Variants in BLMH observed in about 807,000 individuals in gnomAD.
The protein encoded by BLMH is BLM hydrolase.
In BLMH, 32 loss-of-function variants were observed where a neutral mutation model predicts 61.6. That is an observed-to-expected ratio of 0.52 (90% CI 0.39 to 0.70). The LOEUF (loss-of-function observed/expected upper bound fraction) is 0.70, where lower values mean the gene tolerates loss of function less well. BLMH is among the 30% of genes least tolerant of loss of function. The pLI, the probability that BLMH is intolerant of heterozygous loss-of-function variation, is 0.00. For synonymous variants in BLMH, 183 were observed against 193.8 expected, an observed-to-expected ratio of 0.94 and a Z score of 0.46; for missense variants, 460 against 555.5, an observed-to-expected ratio of 0.83 and a Z score of 1.73.
At chr17:30,278,860 A>G (rs1382956017) in intron 6 of BLMH, among the ~76,000 whole-genome samples, 8 of 152,182 alleles carry the variant, frequency 5.3e-5, no homozygotes, top group Admixed American at 5.2e-4. Context: ...CGGTAGAGAC[A>G]GGGTTTTGCC....
At chr17:30,282,308 C>T (rs1908614607) in intron 6 of BLMH, among the ~76,000 whole-genome samples, 1 of 150,614 alleles carries the variant, frequency 6.6e-6, no homozygotes, top group Non-Finnish European at 1.5e-5. Flanking sequence ...CCACCACCTG[C>T]AGGGTTCCGG....
rs1447842727 is a variant in BLMH, at chr17:30,291,507, T to C, written c.15A>G (p.Gly5=). MSSS[G]LNSEKVAALI... ...GAGCAGCTACCTTCTCCGAATTCAGTCCTGTTGGGAGACCAAACAGGATTT... is the reference window on the plus strand; with the variant it reads ...GAGCAGCTACCTTCTCCGAATTCAGCCCTGTTGGGAGACCAAACAGGATTT... The change falls in exon 2 of 12, where the codon GGA becomes GGG. Residue 5 remains glycine (G), a splice_region_variant and synonymous_variant. Transcript: ENST00000261714. 6.2e-7 allele frequency: 1 copy of C among 1,613,434 alleles called. No individual in the cohort carries two copies. The highest frequency in any genetic ancestry group is 1.3e-5 in the African/African-American group (1 of 74,920).
At chr17:30,251,221 A>C (rs1213884325) in intron 11 of BLMH, among the ~76,000 whole-genome samples, 11 of 152,212 alleles carry the variant, frequency 7.2e-5, no homozygotes, top group African/African-American at 2.2e-4. Flanking sequence ...CCTGTTCCCC[A>C]AAAACTACTG....
intron 11 of BLMH, among the ~76,000 whole-genome samples, chr17:30,261,577 A>G (rs1415887095): frequency 6.6e-6 from 1 of 152,242 alleles, no homozygotes; most frequent in Non-Finnish European, 1.5e-5. Context: ...TGTCCATGTT[A>G]TTGACATAGA....
intron 6 of BLMH, among the ~76,000 whole-genome samples, chr17:30,281,088 T>C (rs1293756035): frequency 6.9e-6 from 1 of 144,924 alleles, no homozygotes; most frequent in East Asian, 1.9e-4. Context: ...GTTGTTTCTT[T>C]GTTGTTTTTT....
chr17:30,285,561 A>G (rs1452527451), intron 5 of BLMH, 81 bp from the exon 6 acceptor site: 2 of 1,120,426 alleles, frequency 1.8e-6, no homozygotes, highest in South Asian at 1.6e-5. Context: ...CGCAAGTTCT[A>G]TTTTGAGGTA....
Position 30,291,843 on chromosome 17 carries a change from T to C in BLMH, c.-24A>G. 7.5e-7 allele frequency: 1 copy of C among 1,336,474 alleles called. No homozygotes were observed. Among genetic ancestry groups the C allele is most frequent in the Non-Finnish European group, 9.5e-7 (1 of 1,048,158 alleles). 82.8% of individuals were successfully genotyped at this position (1,336,474 alleles called of 1,614,324 possible). A position where few individuals can be genotyped will look rare whatever the true frequency, so the allele number is the denominator to read the frequency against. ...ATGGCGCCCACGCTGCCCGGCGGGG[T>C]AACGGTAGCTTCCAGGGTCCTTGGG... On this transcript the variant is annotated 5_prime_UTR_variant, in exon 1 of 12. Coordinates refer to ENST00000261714, the MANE Select transcript of BLMH (RefSeq NM_000386.4).
Position 30,288,051 on chromosome 17 carries a change from A to T in BLMH, c.322-104T>A, listed in dbSNP as rs1300687170. 2.5e-6 allele frequency: 3 copies of T among 1,187,112 alleles called. No homozygotes were observed. In the African/African-American group the frequency reaches 4.7e-5, roughly 18 times the overall value. The allele number at this position is 1,187,112 out of a possible 1,614,324, so 73.5% of individuals were successfully genotyped here. On this transcript the variant is annotated intron_variant, in intron 3 of 11. Coordinates refer to ENST00000261714, the MANE Select transcript of BLMH (RefSeq NM_000386.4). ...GTCTTGGAATTACCATGGAATCAAC[A>T]TAATAGTTTTTTTTCTTTTTAAAAA... is the stretch of plus-strand genomic sequence containing the variant.
At chr17:30,274,286 CAA>C in intron 6 of BLMH, 89 bp from the exon 7 acceptor site, 4 of 1,433,840 alleles carry the variant, frequency 2.8e-6, no homozygotes, top group Non-Finnish European at 3.7e-6. Flanking sequence ...TTAGGAAACA[CAA>C]GAAGTTAGTG....
chr17:30,261,530 CTACA>C (rs573024426), intron 11 of BLMH, among the ~76,000 whole-genome samples: 377 of 152,258 alleles, frequency 2.5e-3, no homozygotes, highest in Middle Eastern at 0.01. Flanking sequence ...CATTTGATGG[CTACA>C]TACAAACTGT....
chr17:30,249,194 G>T, intron 11 of BLMH, 26 bp from the exon 12 acceptor site: 2 of 1,612,896 alleles, frequency 1.2e-6, no homozygotes, highest in Non-Finnish European at 1.7e-6. Flanking sequence ...GAAGACTTAT[G>T]AGTCCAGAGG....
At chr17:30,260,492 G>A (rs576145146) in intron 11 of BLMH, among the ~76,000 whole-genome samples, 17 of 152,282 alleles carry the variant, frequency 1.1e-4, no homozygotes, top group South Asian at 2.1e-4. Flanking sequence ...CCAGTGAACT[G>A]GAGAGTATGT....
intron 5 of BLMH, 56 bp downstream of exon 5, chr17:30,286,758 A>G: frequency 7.6e-7 from 1 of 1,320,962 alleles, no homozygotes; most frequent in Non-Finnish European, 1.1e-6. Context: ...CTTTTAAAAA[A>G]TAAGTTTGAA....
chr17:30,289,054 G>A (rs1307567271), intron 3 of BLMH, among the ~76,000 whole-genome samples: 1 of 151,980 alleles, frequency 6.6e-6, no homozygotes, highest in Admixed American at 6.6e-5. Context: ...TCCTAGAAAA[G>A]AACAAATAAC....
chr17:30,275,421 G>A (rs757396500), intron 6 of BLMH, among the ~76,000 whole-genome samples: 16 of 152,202 alleles, frequency 1.1e-4, no homozygotes, highest in Non-Finnish European at 1.6e-4. Flanking sequence ...AGCACTTTGG[G>A]AGGCTGAGGC....
At chr17:30,257,102 C>T (rs1044169840) in intron 11 of BLMH, among the ~76,000 whole-genome samples, 2 of 152,238 alleles carry the variant, frequency 1.3e-5, no homozygotes, top group Non-Finnish European at 2.9e-5. Context: ...ACAGTACTTA[C>T]ATGCATACAA....
chr17:30,256,698 A>G (rs976538821), intron 11 of BLMH, among the ~76,000 whole-genome samples: 1 of 151,990 alleles, frequency 6.6e-6, no homozygotes. Context: ...TGTTATGCTT[A>G]TAAACATTTT....
At chr17:30,268,880 T>TAAAAAA (rs1406318611) in intron 10 of BLMH, among the ~76,000 whole-genome samples, 1 of 51,280 alleles carries the variant, frequency 2.0e-5, no homozygotes, top group Non-Finnish European at 4.0e-5. Context: ...CTACTAAAAA[T>TAAAAAA]ACAAAAAAAA....
chr17:30,285,231 G>A (rs985887667), intron 6 of BLMH, among the ~76,000 whole-genome samples, 157 bp downstream of exon 6: 3 of 152,162 alleles, frequency 2.0e-5, no homozygotes, highest in Admixed American at 6.5e-5. Context: ...GGCAAAGTAA[G>A]TTTTAAGCTC....
Sources: allele counts gnomAD v4.1 joint callset (sites outside exome capture counted in the v4.1 genomes callset), GRCh38; gene constraint gnomAD v4.1.1; transcripts MANE v1.5; gene names NCBI Gene and HGNC (gene_info 2026-07-23, HGNC 2026-07-21).